The following SEMA3E variants were observed in gnomAD, a reference collection of about 807,000 sequenced individuals.
SEMA3E encodes semaphorin 3E.
Under a neutral mutation model 93.6 loss-of-function variants are expected in SEMA3E, and 49 were observed. The ratio of observed to expected loss-of-function variants is 0.52; its 90% CI spans 0.42 to 0.66. The LOEUF is 0.66. SEMA3E is among the 30% of genes least tolerant of loss of function. SEMA3E has a pLI of 0.00. For missense variants in SEMA3E, 906 were observed against 964.8 expected (o/e 0.94, Z 0.81); for synonymous variants, 363 against 330.7 (o/e 1.10, Z -1.06).
intron 1 of SEMA3E, among the ~76,000 whole-genome samples, chr7:83,644,085 C>T (rs1213713140): frequency 6.6e-6 from 1 of 151,812 alleles, no homozygotes; most frequent in Non-Finnish European, 1.5e-5. Flanking sequence ...ATTTATTTAA[C>T]ATTGTGCTCT....
chr7:83,598,624 A>G (rs1792923172), intron 1 of SEMA3E, among the ~76,000 whole-genome samples: 1 of 152,164 alleles, frequency 6.6e-6, no homozygotes, highest in Non-Finnish European at 1.5e-5. Flanking sequence ...TAATAATGCT[A>G]GCGGTTTGCT....
intron 1 of SEMA3E, among the ~76,000 whole-genome samples, chr7:83,555,204 A>C (rs1791862508): frequency 6.6e-6 from 1 of 152,172 alleles, no homozygotes; most frequent in East Asian, 1.9e-4. Flanking sequence ...CCCTGACCTG[A>C]GATATAGAAG....
chr7:83,503,556 T>A (rs1246294450), intron 1 of SEMA3E, among the ~76,000 whole-genome samples: 1 of 152,112 alleles, frequency 6.6e-6, no homozygotes, highest in Non-Finnish European at 1.5e-5. Flanking sequence ...AATACATAAT[T>A]AAGGAATTTC....
At position 83,461,274 on chromosome 7, in the gene SEMA3E, C is replaced by A. The variant is rs376698537; in HGVS notation, c.456+5208G>T. 2.0e-5 allele frequency among the ~76,000 whole-genome samples: 3 copies of A among 152,252 alleles called. No individual in the cohort carries two copies. In the East Asian group the frequency reaches 5.8e-4, roughly 30 times the overall value. The stretch of plus-strand genomic sequence containing the variant: ...CCCGCCTGTACCCTCAGTACCAACC[C>A]CAAGCATTGCTGAGTCTTTCTAATC... On this transcript the variant is annotated intron_variant, in intron 4 of 16. Transcript: ENST00000643230.
At chr7:83,631,904 C>A (rs1287775237) in intron 1 of SEMA3E, among the ~76,000 whole-genome samples, 1 of 152,118 alleles carries the variant, frequency 6.6e-6, no homozygotes, top group Admixed American at 6.5e-5. Context: ...GCCTGTAATC[C>A]CAGTACTTTG....
intron 16 of SEMA3E, among the ~76,000 whole-genome samples, chr7:83,377,279 T>C (rs1353330646): frequency 6.6e-6 from 1 of 152,040 alleles, no homozygotes; most frequent in Admixed American, 6.6e-5. Flanking sequence ...CCCCCCAAAA[T>C]AGAGGCATTT....
At chr7:83,599,493 A>G (rs1402560928) in intron 1 of SEMA3E, among the ~76,000 whole-genome samples, 1 of 152,220 alleles carries the variant, frequency 6.6e-6, no homozygotes, top group Non-Finnish European at 1.5e-5. Context: ...ACTTGTAGCC[A>G]TTAAATACTT....
chr7:83,417,677 A>G (rs1293002965), intron 5 of SEMA3E, among the ~76,000 whole-genome samples: 3 of 152,144 alleles, frequency 2.0e-5, no homozygotes, highest in African/African-American at 7.2e-5. Context: ...CTCATTCATC[A>G]GTCTTTACTG....
At chr7:83,629,040 G>T (rs1426771682) in intron 1 of SEMA3E, among the ~76,000 whole-genome samples, 4 of 152,066 alleles carry the variant, frequency 2.6e-5, no homozygotes, top group Admixed American at 6.5e-5. Flanking sequence ...TAACAGTCAG[G>T]CTCCTCTTCT....
chr7:83,632,045 G>C (rs1475519682), intron 1 of SEMA3E, among the ~76,000 whole-genome samples: 1 of 151,602 alleles, frequency 6.6e-6, no homozygotes, highest in African/African-American at 2.4e-5. Flanking sequence ...ATCCTGGCTA[G>C]TCAGGAGGTT....
At chr7:83,454,257 C>CAAA (rs1157801830) in intron 4 of SEMA3E, among the ~76,000 whole-genome samples, 290 of 44,520 alleles carry the variant, frequency 6.5e-3, no homozygotes, top group Admixed American at 0.027. Flanking sequence ...GACTCCGACT[C>CAAA]AAAAAAAAAA....
At chr7:83,531,338 A>ATTT (rs1363628918) in intron 1 of SEMA3E, among the ~76,000 whole-genome samples, 4 of 40,122 alleles carry the variant, frequency 1.0e-4, no homozygotes, top group Non-Finnish European at 2.6e-4. Flanking sequence ...TGATTGGAAT[A>ATTT]TTCTTTTTTT....
intron 16 of SEMA3E, among the ~76,000 whole-genome samples, chr7:83,383,349 A>G (rs1478344984): frequency 2.0e-5 from 3 of 151,784 alleles, no homozygotes; most frequent in Non-Finnish European, 4.4e-5. Context: ...GTTTCACAAA[A>G]AAGAGACATA....
At chr7:83,480,185 A>C (rs1365946878) in intron 2 of SEMA3E, among the ~76,000 whole-genome samples, 2 of 152,196 alleles carry the variant, frequency 1.3e-5, no homozygotes, top group African/African-American at 4.8e-5. Flanking sequence ...TCACGCCTGT[A>C]ATCCTAGCAC....
In SEMA3E at chr7:83,578,931, A is replaced by G. The variant is rs1792463405; in HGVS notation, c.115+69497T>C. 6.6e-5 allele frequency among the ~76,000 whole-genome samples: 10 copies of G among 152,198 alleles called. No homozygotes were observed. The South Asian group carries it at 2.1e-3, about 32-fold the overall frequency. On this transcript the variant is annotated intron_variant, in intron 1 of 16. Coordinates refer to ENST00000643230, the MANE Select transcript of SEMA3E (RefSeq NM_012431.3). Reference sequence around the variant, plus strand: ...GTCTTTGAATAATAAAAATTACAGAAGTTCTGGAATCAGTTAGTACCATGA... The same window carrying G: ...GTCTTTGAATAATAAAAATTACAGAGGTTCTGGAATCAGTTAGTACCATGA...
Position 83,493,471 on chromosome 7 carries a change from T to C in SEMA3E, c.116-3197A>G, listed in dbSNP as rs1370727994. Among the ~76,000 whole-genome samples, 4 of 152,080 alleles carry C rather than the reference T, an allele frequency of 2.6e-5. No homozygotes were observed. In the East Asian group the frequency reaches 7.7e-4, roughly 29 times the overall value. ...ATACATAAAACTGAATATCATTACA[T>C]ACCATAGGTAATAAATTGAGAAATA... On this transcript the variant is annotated intron_variant, in intron 1 of 16. Coordinates refer to ENST00000643230, the MANE Select transcript of SEMA3E (RefSeq NM_012431.3).
chr7:83,575,211 C>T (rs538449027), intron 1 of SEMA3E, among the ~76,000 whole-genome samples: 1 of 151,608 alleles, frequency 6.6e-6, no homozygotes, highest in East Asian at 1.9e-4. Flanking sequence ...ACACTCCCAC[C>T]ACCTACCCCC....
At chr7:83,606,777 T>TA (rs34026764) in intron 1 of SEMA3E, among the ~76,000 whole-genome samples, 74,109 of 146,518 alleles carry the variant, frequency 0.51, 19,440 homozygotes, top group Non-Finnish European at 0.58. Flanking sequence ...AAAAAAAAAT[T>TA]AAAAAAAAAA....
intron 1 of SEMA3E, among the ~76,000 whole-genome samples, chr7:83,624,841 G>A (rs1179652000): frequency 6.6e-6 from 1 of 152,048 alleles, no homozygotes; most frequent in Non-Finnish European, 1.5e-5. Flanking sequence ...TTTCGCCTAG[G>A]GTTTTTATGG....
Sources: allele counts gnomAD v4.1 joint callset (sites outside exome capture counted in the v4.1 genomes callset), GRCh38; gene constraint gnomAD v4.1.1; transcripts MANE v1.5; gene names NCBI Gene and HGNC (gene_info 2026-07-23, HGNC 2026-07-21).